Variants in MARS1 observed in about 807,000 individuals in gnomAD.
MARS1 encodes the protein methionyl-tRNA synthetase 1.
A neutral mutation model predicts 119.5 loss-of-function variants in MARS1; 80 were observed. The ratio of observed to expected loss-of-function variants is 0.67; its 90% confidence interval spans 0.56 to 0.81. The LOEUF (loss-of-function observed/expected upper bound fraction) is 0.81, where lower values mean the gene tolerates loss of function less well. Ranked by LOEUF, MARS1 falls within the 30% of genes least tolerant of loss-of-function variation. MARS1 has a pLI of 0.00. For synonymous variants in MARS1, 418 were observed against 433.4 expected (o/e 0.96, Z 0.44); for missense variants, 945 against 1,116.5 (o/e 0.85, Z 2.19).
At chr12:57,504,505 C>G (rs142173760) in intron 11 of MARS1, among the ~76,000 whole-genome samples, 1 of 152,012 alleles carries the variant, frequency 6.6e-6, no homozygotes, top group African/African-American at 2.4e-5. Context: ...CTACTTTTTC[C>G]TTTGTGTCTA....
Position 57,512,871 on chromosome 12 carries a change from G to T in MARS1, c.1874G>T (p.Arg625Leu), listed in dbSNP as rs759133961. ...DIWRFYLLYI[R>L]PEGQDSAFSW... Reference sequence around the variant, plus strand: ...TGGCGCTTCTATCTGCTGTACATTCGGCCTGAGGGCCAGGACAGTGCTTTC... The same window carrying T: ...TGGCGCTTCTATCTGCTGTACATTCTGCCTGAGGGCCAGGACAGTGCTTTC... Residue 625 changes from arginine (R) to leucine (L), a missense_variant, in exon 15 of 21, where the codon CGG becomes CTG. Coordinates refer to ENST00000262027, the MANE Select transcript of MARS1 (RefSeq NM_004990.4). 8 of 1,614,208 alleles carry T rather than the reference G, an allele frequency of 5.0e-6. No individual in the cohort carries two copies. Among genetic ancestry groups the T allele is most frequent in the Non-Finnish European group, 6.8e-6 (8 of 1,180,034 alleles).
rs1229983707 is a variant in MARS1 at position 57,488,203 on chromosome 12, C to T, written c.109+4C>T. On this transcript the variant is annotated splice_donor_region_variant and intron_variant, in intron 1 of 20. Transcript: ENST00000262027. ...ATCAGCACTGTAGGCCCGGAAGGTA[C>T]TCGTGCTGGTGCTGGTGGGCGGTGG... The T allele has an allele frequency of 2.5e-6, 4 of 1,608,274 alleles. No homozygotes were observed. Among genetic ancestry groups the T allele is most frequent in the Non-Finnish European group, 3.4e-6 (4 of 1,175,678 alleles).
At chr12:57,493,924 ATATATAT>A (rs796670045) in intron 7 of MARS1, among the ~76,000 whole-genome samples, 3 of 63,732 alleles carry the variant, frequency 4.7e-5, no homozygotes, top group South Asian at 7.6e-4. Flanking sequence ...AATATATATA[ATATATAT>A]TATATATTAT....
chr12:57,505,686 C>T (rs1043660136), intron 11 of MARS1, among the ~76,000 whole-genome samples: 2 of 151,980 alleles, frequency 1.3e-5, no homozygotes, highest in African/African-American at 4.8e-5. Context: ...GTGGTGCGAT[C>T]CTGTAGTCTC....
At chr12:57,511,909 T>G in intron 12 of MARS1, 41 bp downstream of exon 12, 1 of 1,610,738 alleles carries the variant, frequency 6.2e-7, no homozygotes, top group East Asian at 2.2e-5. Context: ...GCCTTAGTGT[T>G]GAAACCCTGG....
chr12:57,499,734 A>G (rs1243976798), intron 9 of MARS1, among the ~76,000 whole-genome samples: 2 of 152,002 alleles, frequency 1.3e-5, no homozygotes, highest in Non-Finnish European at 1.5e-5. Context: ...CCCCATCTCT[A>G]CTAAGAATAC....
intron 7 of MARS1, among the ~76,000 whole-genome samples, chr12:57,493,438 T>G (rs867731998): frequency 5.6e-4 from 1 of 1,796 alleles, no homozygotes; most frequent in South Asian, 0.071. Context: ...GTATAATATA[T>G]TACATAATAT....
At chr12:57,493,937 A>G (rs1284896288) in intron 7 of MARS1, among the ~76,000 whole-genome samples, 1 of 94,522 alleles carries the variant, frequency 1.1e-5, no homozygotes, top group Non-Finnish European at 2.0e-5. Flanking sequence ...TATATTATAT[A>G]TTATATATAT....
chr12:57,509,523 C>T (rs1376256871), intron 11 of MARS1, among the ~76,000 whole-genome samples: 1 of 152,114 alleles, frequency 6.6e-6, no homozygotes, highest in Non-Finnish European at 1.5e-5. Context: ...TCTCCTGCCT[C>T]AGCCTCCTGA....
At position 57,504,325 on chromosome 12, in the gene MARS1, G is replaced by C. The variant is rs1211650218; in HGVS notation, c.1368+26G>C. On this transcript the variant is annotated intron_variant, in intron 11 of 20. Coordinates refer to ENST00000262027, the MANE Select transcript of MARS1 (RefSeq NM_004990.4). The stretch of plus-strand genomic sequence containing the variant: ...GTAAGTGAGCTTTTCTCTCAACCTA[G>C]TTTTCAGGAGGCCTCTTCTGTCCCC... 5 of 1,598,812 alleles carry C rather than the reference G, an allele frequency of 3.1e-6. No homozygotes were observed. The African/African-American group carries it at 4.0e-5, about 13-fold the overall frequency.
At chr12:57,511,891 A>G in intron 12 of MARS1, 23 bp downstream of exon 12, 1 of 1,612,722 alleles carries the variant, frequency 6.2e-7, no homozygotes, top group Non-Finnish European at 8.5e-7. Context: ...TTTTATTCAT[A>G]TCATTCAGCC....
chr12:57,499,252 C>A (rs1179110062), intron 9 of MARS1, among the ~76,000 whole-genome samples: 3 of 142,440 alleles, frequency 2.1e-5, no homozygotes, highest in African/African-American at 7.9e-5. Flanking sequence ...CCATTGTACT[C>A]CAGCCTGGGC....
intron 7 of MARS1, among the ~76,000 whole-genome samples, chr12:57,495,293 C>T (rs892839770): frequency 5.3e-5 from 8 of 150,842 alleles, no homozygotes; most frequent in Non-Finnish European, 7.4e-5. Flanking sequence ...GGGCGGCTGC[C>T]GGGCGGACAC....
Position 57,499,196 on chromosome 12 carries a change from A to C in MARS1, c.1091+573A>C, listed in dbSNP as rs767679912. ...CTACTTGGGAAGCTGAGGCAGAAGA[A>C]TCTCTTGAACCCAGGAGGCGGAGGT... On this transcript the variant is annotated intron_variant, in intron 9 of 20. Transcript: ENST00000262027. Among the ~76,000 whole-genome samples, 113 of 149,534 alleles carry C rather than the reference A, an allele frequency of 7.6e-4. 1 individual carries two copies. The Middle Eastern group carries it at 0.014, about 18-fold the overall frequency.
intron 6 of MARS1, 27 bp downstream of exon 6, chr12:57,490,406 C>T: frequency 6.2e-7 from 1 of 1,611,104 alleles, no homozygotes. Context: ...AGCCTTGGGG[C>T]CTGAGGTGGG....
intron 7 of MARS1, among the ~76,000 whole-genome samples, chr12:57,494,328 C>CT (rs71448526): frequency 0.022 from 2,624 of 121,200 alleles, 68 homozygotes; most frequent in African/African-American, 0.032. Flanking sequence ...TCTTTTTTTT[C>CT]TTTTTTTTTT....
At chr12:57,511,273 C>T (rs1349904240) in intron 11 of MARS1, among the ~76,000 whole-genome samples, 1 of 152,140 alleles carries the variant, frequency 6.6e-6, no homozygotes, top group Non-Finnish European at 1.5e-5. Flanking sequence ...AAGCCACTGC[C>T]CCTGGCTGTG....
intron 7 of MARS1, among the ~76,000 whole-genome samples, chr12:57,492,683 A>T (rs1318695457): frequency 9.7e-6 from 1 of 102,884 alleles, no homozygotes; most frequent in African/African-American, 4.1e-5. Context: ...ACACACACAC[A>T]CACACACACA....
chr12:57,488,660 T>C, intron 1 of MARS1: 1 of 1,550,158 alleles, frequency 6.5e-7, no homozygotes, highest in Non-Finnish European at 8.7e-7. Context: ...GGAGGTTCTC[T>C]TGTAAGTCTT....
Sources: allele counts gnomAD v4.1 joint callset (sites outside exome capture counted in the v4.1 genomes callset), GRCh38; gene constraint gnomAD v4.1.1; transcripts MANE v1.5; gene names NCBI Gene and HGNC (gene_info 2026-07-23, HGNC 2026-07-21).